Variants in TSPAN19 observed in about 807,000 individuals in gnomAD.
TSPAN19 encodes tetraspanin-19.
Under a neutral mutation model 35.1 loss-of-function variants are expected in TSPAN19, and 44 were observed. The ratio of observed to expected loss-of-function variants is 1.25; its 90% confidence interval spans 0.98 to 1.61. TSPAN19 has a LOEUF of 1.61. Ranked by LOEUF, TSPAN19 falls within the 40% of genes most tolerant of loss-of-function variation. The pLI is 0.00. For missense variants in TSPAN19, 290 were observed against 280.0 expected (o/e 1.04, Z -0.26); for synonymous variants, 79 against 92.0 (o/e 0.86, Z 0.81).
intron 5 of TSPAN19, among the ~76,000 whole-genome samples, chr12:85,022,393 A>C (rs186428305): frequency 6.6e-6 from 1 of 152,246 alleles, no homozygotes; most frequent in Admixed American, 6.5e-5. Flanking sequence ...CCATTACAGA[A>C]GAGTATAGAT....
At chr12:85,027,782 A>T in intron 4 of TSPAN19, 117 bp downstream of exon 4, 3 of 1,038,214 alleles carry the variant, frequency 2.9e-6, no homozygotes, top group Non-Finnish European at 4.1e-6. Context: ...CATTTGAATT[A>T]CTCTAAGGAC....
intron 7 of TSPAN19, chr12:85,016,779 A>T (rs1345980208): frequency 1.3e-5 from 2 of 151,838 alleles, no homozygotes; most frequent in Non-Finnish European, 2.9e-5. Flanking sequence ...GATAGGGGCA[A>T]CTACTGTATA....
chr12:85,033,345 T>C (rs1429681286), intron 1 of TSPAN19, among the ~76,000 whole-genome samples: 1 of 152,044 alleles, frequency 6.6e-6, no homozygotes, highest in East Asian at 1.9e-4. Context: ...TATGCTTTAC[T>C]AAAGATTTTT....
At chr12:85,019,808 T>C in intron 5 of TSPAN19, 72 bp from the exon 6 acceptor site, 1 of 753,538 alleles carries the variant, frequency 1.3e-6, no homozygotes, top group Non-Finnish European at 2.2e-6. Context: ...AAATTGATGG[T>C]TCCTCAAGAG....
chr12:85,022,100 T>C (rs755203114), intron 5 of TSPAN19, among the ~76,000 whole-genome samples: 4 of 152,106 alleles, frequency 2.6e-5, no homozygotes, highest in Non-Finnish European at 5.9e-5. Context: ...ATTTATGTTC[T>C]ATAATGAGGT....
chr12:85,022,569 A>G (rs993766746), intron 5 of TSPAN19, among the ~76,000 whole-genome samples: 1 of 152,134 alleles, frequency 6.6e-6, no homozygotes, highest in African/African-American at 2.4e-5. Flanking sequence ...TATATTTTAC[A>G]GATAAGGACA....
At chr12:85,021,695 A>ATG (rs1877136743) in intron 5 of TSPAN19, among the ~76,000 whole-genome samples, 1 of 152,114 alleles carries the variant, frequency 6.6e-6, no homozygotes, top group Non-Finnish European at 1.5e-5. Flanking sequence ...GGTACTGTAA[A>ATG]TGGCATAAAA....
At chr12:85,035,662 A>C (rs942643814) in intron 1 of TSPAN19, among the ~76,000 whole-genome samples, 2 of 142,132 alleles carry the variant, frequency 1.4e-5, no homozygotes, top group Non-Finnish European at 3.2e-5. Flanking sequence ...ACTTTAAAAG[A>C]AAATTAAAGT....
intron 4 of TSPAN19, among the ~76,000 whole-genome samples, chr12:85,023,773 AACTT>A (rs1455901670): frequency 6.6e-6 from 1 of 152,210 alleles, no homozygotes; most frequent in Non-Finnish European, 1.5e-5. Flanking sequence ...GTACTATTTA[AACTT>A]ATGCAGAAAG....
intron 5 of TSPAN19, among the ~76,000 whole-genome samples, chr12:85,020,139 G>A (rs919890638): frequency 1.3e-5 from 2 of 150,714 alleles, no homozygotes; most frequent in Admixed American, 6.6e-5. Context: ...TGATTCTGTG[G>A]GGGTTTGTAC....
At position 85,023,361 on chromosome 12, in the gene TSPAN19, C is replaced by T. The variant is rs769539587; in HGVS notation, c.304G>A (p.Val102Ile). 5.0e-6 allele frequency: 8 copies of T among 1,588,906 alleles called. No individual in the cohort carries two copies. Among genetic ancestry groups the T allele is most frequent in the African/African-American group, 4.0e-5 (3 of 74,526 alleles). The change falls in exon 5 of 9, where the codon GTA becomes ATA. Residue 102 changes from valine to isoleucine, a missense_variant. Transcript: ENST00000532498. ...LITWTFAVQV[V>I]LSAFIITKKE... Reference sequence around the variant, plus strand: ...TTTGTGATGATGAATGCTGAAAGTACAACCTGAACAGCAAAGGTCCATGTT... The same window carrying T: ...TTTGTGATGATGAATGCTGAAAGTATAACCTGAACAGCAAAGGTCCATGTT...
At chr12:85,017,220 C>T in intron 7 of TSPAN19, 1 of 406,780 alleles carries the variant, frequency 2.5e-6, no homozygotes, top group Non-Finnish European at 4.3e-6. Context: ...ATCCCAAGTT[C>T]CAAGAATACA....
chr12:85,033,887 T>C lies in TSPAN19; in HGVS notation c.-28+2317A>G, dbSNP rs561647900. Among the ~76,000 whole-genome samples, 240 of 152,294 alleles carry C rather than the reference T, an allele frequency of 1.6e-3. 1 individual carries two copies. Among genetic ancestry groups the C allele is most frequent in the Non-Finnish European group, 2.5e-3 (169 of 68,002 alleles). On this transcript the variant is annotated intron_variant, in intron 1 of 8. Coordinates refer to ENST00000532498, the MANE Select transcript of TSPAN19 (RefSeq NM_001100917.2). ...TTTGTAAAGCTCTTAGCCCAGTGCC[T>C]GGCTAGATGTTAGTTATCTCGTTAT...
intron 6 of TSPAN19, among the ~76,000 whole-genome samples, chr12:85,018,384 G>A (rs747458716): frequency 2.0e-4 from 30 of 151,946 alleles, no homozygotes; most frequent in South Asian, 1.7e-3. Context: ...TTAGGTTACT[G>A]AAAGTTAGTT....
Position 85,019,619 on chromosome 12 carries a change from A to G in TSPAN19, c.450+7T>C, listed in dbSNP as rs535731504. 4.8e-5 allele frequency: 74 copies of G among 1,551,332 alleles called. No homozygotes were observed. The South Asian group carries it at 7.6e-4, about 16-fold the overall frequency. On this transcript the variant is annotated splice_region_variant and intron_variant, in intron 6 of 8. Transcript: ENST00000532498. ...GACATCTAATTTTTTAGTTAATTTC[A>G]TCTTACTGTTTTCTGTAAGGCATTC...
intron 8 of TSPAN19, chr12:85,015,264 T>G (rs1309633160): frequency 6.6e-6 from 1 of 151,958 alleles, no homozygotes; most frequent in East Asian, 1.9e-4. Flanking sequence ...TAGTCTTCAC[T>G]GAGACTGAAG....
chr12:85,021,811 C>T (rs1877141953), intron 5 of TSPAN19, among the ~76,000 whole-genome samples: 1 of 152,054 alleles, frequency 6.6e-6, no homozygotes, highest in Non-Finnish European at 1.5e-5. Context: ...TGAGTCTAGG[C>T]TCTGTCATTT....
intron 1 of TSPAN19, among the ~76,000 whole-genome samples, chr12:85,033,794 C>A (rs187439960): frequency 4.6e-4 from 70 of 152,226 alleles, no homozygotes; most frequent in Non-Finnish European, 5.9e-4. Flanking sequence ...CCAGTATCAT[C>A]ATCTGTAAAT....
intron 4 of TSPAN19, among the ~76,000 whole-genome samples, chr12:85,024,321 G>C (rs964235017): frequency 1.3e-5 from 2 of 152,170 alleles, no homozygotes; most frequent in Non-Finnish European, 2.9e-5. Context: ...ACAGTCTCTA[G>C]CTGGGAGTTT....
Sources: allele counts gnomAD v4.1 joint callset (sites outside exome capture counted in the v4.1 genomes callset), GRCh38; gene constraint gnomAD v4.1.1; transcripts MANE v1.5; gene names NCBI Gene and HGNC (gene_info 2026-07-23, HGNC 2026-07-21).